Variants in SLC12A8 observed in about 807,000 individuals in gnomAD.
The protein encoded by SLC12A8 is cation-chloride cotransporter 9.
In SLC12A8, 69 loss-of-function variants were observed where a neutral mutation model predicts 75.6. That is an observed-to-expected ratio of 0.91 (90% confidence interval 0.75 to 1.11). SLC12A8 has a LOEUF of 1.11. SLC12A8 is among the 50% of genes most tolerant of loss of function. SLC12A8 has a pLI of 0.00. For missense variants in SLC12A8, 877 were observed against 896.7 expected (o/e 0.98, Z 0.28); for synonymous variants, 365 against 372.8 (o/e 0.98, Z 0.24).
At chr3:125,187,115 G>T in intron 4 of SLC12A8, 122 bp downstream of exon 4, 2 of 935,082 alleles carry the variant, frequency 2.1e-6, no homozygotes, top group Non-Finnish European at 3.3e-6. Context: ...GCCCCAACCT[G>T]CTCGTCTGTC....
chr3:125,109,707 G>A (rs1939140190), intron 9 of SLC12A8, among the ~76,000 whole-genome samples: 1 of 152,166 alleles, frequency 6.6e-6, no homozygotes, highest in Non-Finnish European at 1.5e-5. Flanking sequence ...GGTTCATGAT[G>A]GTTAACAGGA....
intron 9 of SLC12A8, among the ~76,000 whole-genome samples, chr3:125,108,934 G>T (rs533345064): frequency 3.9e-5 from 6 of 152,244 alleles, no homozygotes; most frequent in African/African-American, 1.2e-4. Context: ...ATGGAGGTGG[G>T]TATGGTGACC....
chr3:125,185,241 A>T (rs979647753), intron 4 of SLC12A8, among the ~76,000 whole-genome samples: 4 of 152,048 alleles, frequency 2.6e-5, no homozygotes, highest in Non-Finnish European at 4.4e-5. Flanking sequence ...AATTGCTTGA[A>T]CCCAGGAGGT....
At chr3:125,197,893 G>C (rs1164744408) in intron 2 of SLC12A8, among the ~76,000 whole-genome samples, 1 of 152,216 alleles carries the variant, frequency 6.6e-6, no homozygotes, top group Non-Finnish European at 1.5e-5. Context: ...GTGAGTGAGG[G>C]ATTAATGAGG....
intron 6 of SLC12A8, among the ~76,000 whole-genome samples, chr3:125,128,305 C>T (rs1177708038): frequency 6.9e-6 from 1 of 145,648 alleles, no homozygotes; most frequent in Non-Finnish European, 1.5e-5. Flanking sequence ...CTCAGCCTCC[C>T]AAGTAGCTGG....
At chr3:125,131,053 G>C (rs1054574249) in intron 6 of SLC12A8, among the ~76,000 whole-genome samples, 2 of 152,234 alleles carry the variant, frequency 1.3e-5, no homozygotes, top group Non-Finnish European at 2.9e-5. Context: ...TTTGTGTGTG[G>C]AAGGAAAGAG....
At chr3:125,185,158 T>C (rs1188820986) in intron 4 of SLC12A8, among the ~76,000 whole-genome samples, 1 of 151,906 alleles carries the variant, frequency 6.6e-6, no homozygotes, top group African/African-American at 2.4e-5. Flanking sequence ...CCATCTCTAC[T>C]AAAAATACAA....
intron 2 of SLC12A8, among the ~76,000 whole-genome samples, chr3:125,194,979 C>G (rs1364215321): frequency 6.6e-6 from 1 of 152,208 alleles, no homozygotes; most frequent in Non-Finnish European, 1.5e-5. Flanking sequence ...AGAGCTGGGC[C>G]GGGCGCCAGC....
chr3:125,125,969 G>A, intron 6 of SLC12A8: 1 of 981,394 alleles, frequency 1.0e-6, no homozygotes, highest in Non-Finnish European at 1.2e-6. Flanking sequence ...TCTAGACAGT[G>A]CTGGATTGAT....
chr3:125,126,507 T>C (rs549336386), intron 6 of SLC12A8, among the ~76,000 whole-genome samples: 10 of 152,352 alleles, frequency 6.6e-5, no homozygotes, highest in African/African-American at 1.9e-4. Flanking sequence ...TTTTCTTCCC[T>C]GCCCCCTGAA....
chr3:125,106,691 C>A (rs1939034576), intron 10 of SLC12A8, among the ~76,000 whole-genome samples: 1 of 152,174 alleles, frequency 6.6e-6, no homozygotes, highest in Non-Finnish European at 1.5e-5. Context: ...TGTCCCTCAT[C>A]TCCTCCTCTT....
chr3:125,201,775 G>A (rs140951186), intron 2 of SLC12A8, among the ~76,000 whole-genome samples: 175 of 150,576 alleles, frequency 1.2e-3, no homozygotes, highest in African/African-American at 4.0e-3. Flanking sequence ...CACGTCAAGC[G>A]CACCCACCCT....
intron 13 of SLC12A8, among the ~76,000 whole-genome samples, chr3:125,085,967 C>T (rs961555528): frequency 2.0e-5 from 3 of 150,330 alleles, no homozygotes; most frequent in African/African-American, 7.4e-5. Context: ...CGCAATGGTG[C>T]GATCTCAGCT....
chr3:125,212,521 C>T (rs1201234511), intron 1 of SLC12A8, among the ~76,000 whole-genome samples, 179 bp downstream of exon 1: 1 of 152,178 alleles, frequency 6.6e-6, no homozygotes, highest in Non-Finnish European at 1.5e-5. Context: ...GGACCCGCAC[C>T]CCAAGTACTG....
chr3:125,125,442 C>G (rs1025609739), intron 6 of SLC12A8, among the ~76,000 whole-genome samples: 22 of 152,096 alleles, frequency 1.4e-4, no homozygotes, highest in African/African-American at 5.1e-4. Context: ...ACCTGTAGTC[C>G]CAGCTACTTG....
chr3:125,188,085 G>T (rs1403164671), intron 3 of SLC12A8, among the ~76,000 whole-genome samples: 1 of 152,196 alleles, frequency 6.6e-6, no homozygotes. Context: ...GGTGGGGCCT[G>T]GTGGGAGGTG....
Position 125,178,018 on chromosome 3 carries a change from C to A in SLC12A8, c.391-44G>T, listed in dbSNP as rs1934577914. 2.0e-6 allele frequency: 3 copies of A among 1,492,670 alleles called. No homozygotes were observed. In the African/African-American group the frequency reaches 4.1e-5, roughly 21 times the overall value. The allele number at this position is 1,492,670 out of a possible 1,614,324, so 92.5% of individuals were successfully genotyped here. ...TAGAAGAGTCAGCAGGACAGAAAGCCATGGGCCCATGGGCAGAACCGCCCA... is the reference window on the plus strand; with the variant it reads ...TAGAAGAGTCAGCAGGACAGAAAGCAATGGGCCCATGGGCAGAACCGCCCA... On this transcript the variant is annotated intron_variant, in intron 4 of 13. Coordinates refer to ENST00000469902, the MANE Select transcript of SLC12A8 (RefSeq NM_024628.6).
chr3:125,212,449 G>C (rs1365433003), intron 1 of SLC12A8, among the ~76,000 whole-genome samples: 1 of 152,088 alleles, frequency 6.6e-6, no homozygotes, highest in East Asian at 1.9e-4. Flanking sequence ...CCTCCGCGGA[G>C]CCCCTACCCT....
At position 125,107,461 on chromosome 3, in the gene SLC12A8, T is replaced by C; in HGVS notation, c.1705+20A>G. 3.1e-6 allele frequency: 5 copies of C among 1,587,974 alleles called. No homozygotes were observed. The highest frequency in any genetic ancestry group is 1.3e-5 in the African/African-American group (1 of 74,510). ...GTCATCCCCAAATAAGAGGCCCCAG[T>C]GTGATACCAGAGCACTCACCTTCTC... On this transcript the variant is annotated intron_variant, in intron 10 of 13. Coordinates refer to ENST00000469902, the MANE Select transcript of SLC12A8 (RefSeq NM_024628.6).
Sources: allele counts gnomAD v4.1 joint callset (sites outside exome capture counted in the v4.1 genomes callset), GRCh38; gene constraint gnomAD v4.1.1; transcripts MANE v1.5; gene names NCBI Gene and HGNC (gene_info 2026-07-23, HGNC 2026-07-21).